EYS: variants seen among roughly 807,000 people sequenced by gnomAD.
The protein encoded by EYS is EGF-like photoreceptor maintenance factor, also known as protein eyes shut homolog.
In EYS, 250 loss-of-function variants were observed where a neutral mutation model predicts 282.1. The ratio of observed to expected loss-of-function variants is 0.89; its 90% confidence interval spans 0.80 to 0.98. The LOEUF is 0.98. Among genes scored for constraint, EYS ranks in the 50% least tolerant of loss-of-function variants. The pLI, the probability that EYS is intolerant of heterozygous loss-of-function variation, is 0.00. For missense variants in EYS, 4,016 were observed against 3,709.0 expected (o/e 1.08, Z -2.15); for synonymous variants, 1,355 against 1,282.9 (o/e 1.06, Z -1.20).
At chr6:65,000,216 C>T (rs1032138581) in intron 13 of EYS, among the ~76,000 whole-genome samples, 5 of 152,096 alleles carry the variant, frequency 3.3e-5, no homozygotes, top group African/African-American at 1.2e-4. Flanking sequence ...ACTGAAGAAG[C>T]GAGCCACTCC....
intron 30 of EYS, among the ~76,000 whole-genome samples, chr6:64,292,644 TG>T (rs1768755181): frequency 6.6e-6 from 1 of 152,000 alleles, no homozygotes; most frequent in Non-Finnish European, 1.5e-5. Flanking sequence ...TGCTGTTTTC[TG>T]AAATATCTGA....
chr6:64,808,684 C>G (rs1764508453), intron 22 of EYS, among the ~76,000 whole-genome samples: 1 of 151,888 alleles, frequency 6.6e-6, no homozygotes, highest in Non-Finnish European at 1.5e-5. Flanking sequence ...TCTGTGCTAA[C>G]TACCACAGCA....
intron 22 of EYS, among the ~76,000 whole-genome samples, chr6:64,641,510 T>C (rs962609775): frequency 2.0e-5 from 3 of 152,150 alleles, no homozygotes; most frequent in Non-Finnish European, 2.9e-5. Flanking sequence ...GTTCCATGCA[T>C]CAAAATAGCA....
At chr6:64,884,688 T>C (rs9345567) in intron 19 of EYS, among the ~76,000 whole-genome samples, 23,436 of 151,450 alleles carry the variant, frequency 0.15, 2,142 homozygotes, top group East Asian at 0.49. Context: ...GTCAAAAGAG[T>C]ATGTACAGAA....
rs185314300 is a variant in EYS, at chr6:64,950,489, G to A, written c.2260-4575C>T. Among the ~76,000 whole-genome samples the A allele has an allele frequency of 2.3e-4, 35 of 151,340 alleles. No individual in the cohort carries two copies. In the East Asian group the frequency reaches 5.5e-3, roughly 24 times the overall value. On this transcript the variant is annotated intron_variant, in intron 14 of 42. Coordinates refer to ENST00000503581, the MANE Select transcript of EYS (RefSeq NM_001142800.2). ...CAAAAAAACATAAATTTAGATAGTC[G>A]AAAACAGTAATGTATTTAAAATACA...
chr6:64,884,948 T>C (rs999071993), intron 19 of EYS, among the ~76,000 whole-genome samples: 2 of 151,688 alleles, frequency 1.3e-5, no homozygotes. Context: ...GTTCTCCTTA[T>C]AGAAAGACTC....
intron 2 of EYS, among the ~76,000 whole-genome samples, chr6:65,625,564 T>C (rs930989059): frequency 1.3e-5 from 2 of 152,238 alleles, no homozygotes; most frequent in African/African-American, 4.8e-5. Flanking sequence ...AATGTCAATA[T>C]AATACCGCAT....
At chr6:65,337,911 A>G (rs896798097) in intron 10 of EYS, among the ~76,000 whole-genome samples, 10 of 150,984 alleles carry the variant, frequency 6.6e-5, no homozygotes, top group African/African-American at 2.4e-4. Flanking sequence ...AATTTGGAAA[A>G]CACAGACTTA....
At chr6:65,253,337 G>T (rs778830524) in intron 12 of EYS, among the ~76,000 whole-genome samples, 1 of 151,802 alleles carries the variant, frequency 6.6e-6, no homozygotes, top group African/African-American at 2.4e-5. Context: ...AATTATCCTG[G>T]TGTTTGTTTT....
chr6:65,141,645 GTCTGTCTATCTA>G (rs1212412691), intron 12 of EYS, among the ~76,000 whole-genome samples: 2,423 of 131,014 alleles, frequency 0.018, 74 homozygotes, highest in African/African-American at 0.062. Flanking sequence ...CTGTCTGTCT[GTCTGTCTATCTA>G]TCTATCTATC....
intron 2 of EYS, among the ~76,000 whole-genome samples, chr6:65,593,185 T>C (rs138961656): frequency 5.5e-4 from 83 of 152,194 alleles, no homozygotes; most frequent in African/African-American, 1.8e-3. Flanking sequence ...TAGACATAAA[T>C]GTCATCTGTC....
intron 31 of EYS, among the ~76,000 whole-genome samples, chr6:64,196,361 A>T (rs1470112346): frequency 6.6e-6 from 1 of 152,194 alleles, no homozygotes; most frequent in African/African-American, 2.4e-5. Flanking sequence ...CTTGAACTAG[A>T]AATACCATTT....
At chr6:65,059,699 A>G (rs570239396) in intron 12 of EYS, among the ~76,000 whole-genome samples, 2 of 152,054 alleles carry the variant, frequency 1.3e-5, no homozygotes, top group Non-Finnish European at 2.9e-5. Flanking sequence ...CTGTGGTTAG[A>G]TCATTTAGAT....
intron 35 of EYS, among the ~76,000 whole-genome samples, chr6:63,952,932 C>A (rs1469154030): frequency 6.6e-6 from 1 of 152,162 alleles, no homozygotes; most frequent in Admixed American, 6.5e-5. Flanking sequence ...ACAGCATGGC[C>A]TTTTACAGCC....
chr6:63,852,707 G>A (rs1056589640), intron 36 of EYS, among the ~76,000 whole-genome samples: 12 of 152,132 alleles, frequency 7.9e-5, no homozygotes, highest in African/African-American at 2.4e-4. Flanking sequence ...CAGTATCCCT[G>A]ATGAACATCA....
At chr6:65,687,967 T>C (rs1769092262) in intron 1 of EYS, among the ~76,000 whole-genome samples, 1 of 152,158 alleles carries the variant, frequency 6.6e-6, no homozygotes, top group Non-Finnish European at 1.5e-5. Flanking sequence ...TCCATGCTCA[T>C]GAGTAGGAAG....
intron 22 of EYS, among the ~76,000 whole-genome samples, chr6:64,728,333 T>A (rs531393050): frequency 1.1e-4 from 17 of 152,300 alleles, no homozygotes; most frequent in African/African-American, 3.6e-4. Context: ...CTTCTCTTTT[T>A]ATTTATTTTT....
intron 26 of EYS, among the ~76,000 whole-genome samples, chr6:64,461,768 T>G (rs943675243): frequency 3.9e-5 from 6 of 152,140 alleles, no homozygotes; most frequent in Non-Finnish European, 8.8e-5. Flanking sequence ...TTGTGTAAAT[T>G]TTGGAAACAA....
In EYS at chr6:63,721,390, A is replaced by G; in HGVS notation, c.8641T>C (p.Tyr2881His). The change falls in exon 43 of 43, where the codon TAC becomes CAC. Residue 2881 changes from tyrosine to histidine, a missense_variant. By Grantham distance (83) the Tyr-to-His change is moderately conservative (BLOSUM62 2). Coordinates refer to ENST00000503581, the MANE Select transcript of EYS (RefSeq NM_001142800.2). The part of the protein sequence containing the change: ...VGDCDGTACG[Y>H]NTCRNGGECT... ...TCACCTCCATTTCTGCATGTGTTGT[A>G]CCCACAGGCTGTCCCATCACAGTCA... 6.4e-7 allele frequency: 1 copy of G among 1,551,636 alleles called. No individual in the cohort carries two copies. Among genetic ancestry groups the G allele is most frequent in the South Asian group, 1.2e-5 (1 of 84,054 alleles).
Sources: allele counts gnomAD v4.1 joint callset (sites outside exome capture counted in the v4.1 genomes callset), GRCh38; gene constraint gnomAD v4.1.1; transcripts MANE v1.5; gene names NCBI Gene and HGNC (gene_info 2026-07-23, HGNC 2026-07-21).